The following DACH2 variants were observed in gnomAD, a reference collection of about 807,000 sequenced individuals.
DACH2 encodes the protein dachshund homolog 2.
In DACH2, 17 loss-of-function variants were observed where a neutral mutation model predicts 35.8. The ratio of observed to expected loss-of-function variants is 0.48; its 90% CI spans 0.33 to 0.71. The LOEUF (loss-of-function observed/expected upper bound fraction) is 0.71, where lower values mean the gene tolerates loss of function less well. DACH2 is among the 30% of genes least tolerant of loss of function. The probability of loss-of-function intolerance (pLI) is 0.02; values close to 1 mark genes in which losing one functional copy is unlikely to be tolerated. For synonymous variants in DACH2, 195 were observed against 177.3 expected (o/e 1.10, Z -0.79); for missense variants, 469 against 472.7 (o/e 0.99, Z 0.07).
chrX:86,523,379 G>A (rs2038585901), intron 3 of DACH2, among the ~76,000 whole-genome samples: 1 of 111,030 alleles, frequency 9.0e-6, no homozygotes, highest in Non-Finnish European at 1.9e-5. Flanking sequence ...GCTAAGAAGT[G>A]GTCATAAAGA....
chrX:86,442,542 T>A (rs775434271), intron 2 of DACH2, among the ~76,000 whole-genome samples: 3 of 110,233 alleles, frequency 2.7e-5, no homozygotes, highest in Non-Finnish European at 3.8e-5. Flanking sequence ...GTGCAGAAAC[T>A]TTTAAGTTTG....
chrX:86,246,653 G>A (rs1248720387), intron 1 of DACH2, among the ~76,000 whole-genome samples: 3 of 112,184 alleles, frequency 2.7e-5, no homozygotes, highest in African/African-American at 9.7e-5. Context: ...TGTCTTACCA[G>A]AGGTCCTTAA....
intron 2 of DACH2, among the ~76,000 whole-genome samples, chrX:86,506,362 G>C (rs1446714232): frequency 9.0e-6 from 1 of 111,354 alleles, no homozygotes; most frequent in Non-Finnish European, 1.9e-5. Flanking sequence ...ACTGGTAGTG[G>C]TATGTTCTTT....
chrX:86,282,034 A>ATG (rs2034039824), intron 1 of DACH2, among the ~76,000 whole-genome samples: 1 of 112,403 alleles, frequency 8.9e-6, no homozygotes, highest in Non-Finnish European at 1.9e-5. Context: ...TTCTATGCTC[A>ATG]GGTATAGGAA....
At chrX:86,332,041 A>G (rs5968895) in intron 1 of DACH2, among the ~76,000 whole-genome samples, 21,788 of 111,152 alleles carry the variant, frequency 0.2, 2,543 homozygotes, top group African/African-American at 0.43. Context: ...TAAGCTAAGC[A>G]AAAGCTCAGA....
rs556270797 is a variant in DACH2 at position 86,225,582 on chromosome X, TA to T, written c.488+76483del. ...CTTTTGCTTCACAAGGTTTCTCCTTTAAAAAAAAAGTCTATAGCTAAAAAGT... is the reference window on the plus strand; with the variant it reads ...CTTTTGCTTCACAAGGTTTCTCCTTTAAAAAAAAGTCTATAGCTAAAAAGT... On this transcript the variant is annotated intron_variant, in intron 1 of 11. Coordinates refer to ENST00000373125, the MANE Select transcript of DACH2 (RefSeq NM_053281.3). 8.2e-5 allele frequency among the ~76,000 whole-genome samples: 9 copies of T among 109,321 alleles called. No individual in the cohort carries two copies. The South Asian group carries it at 1.5e-3, about 19-fold the overall frequency. 94.9% of individuals were successfully genotyped at this position (109,321 alleles called of 115,157 possible). A position where few individuals can be genotyped will look rare whatever the true frequency, so the allele number is the denominator to read the frequency against.
At chrX:86,259,517 G>A (rs1036533011) in intron 1 of DACH2, among the ~76,000 whole-genome samples, 1 of 111,483 alleles carries the variant, frequency 9.0e-6, no homozygotes, top group Non-Finnish European at 1.9e-5. Flanking sequence ...ACAGGGTGTT[G>A]AGGGGAAAAT....
chrX:86,489,949 T>C, intron 2 of DACH2, among the ~76,000 whole-genome samples: 1 of 111,854 alleles, frequency 8.9e-6, no homozygotes, highest in Non-Finnish European at 1.9e-5. Flanking sequence ...TACTAGAAAA[T>C]AGCGTCTTTG....
At chrX:86,765,933 G>T (rs1429583002) in intron 7 of DACH2, among the ~76,000 whole-genome samples, 1 of 109,462 alleles carries the variant, frequency 9.1e-6, no homozygotes, top group Non-Finnish European at 1.9e-5. Flanking sequence ...ATTTCTTTCA[G>T]CAGTGTTTCA....
At chrX:86,416,620 G>A (rs1399313808) in intron 2 of DACH2, among the ~76,000 whole-genome samples, 4 of 111,517 alleles carry the variant, frequency 3.6e-5, no homozygotes, top group Non-Finnish European at 5.6e-5. Flanking sequence ...GAATACTTGA[G>A]AAAAGGGATT....
intron 5 of DACH2, among the ~76,000 whole-genome samples, chrX:86,711,113 C>T (rs956219517): frequency 8.0e-5 from 9 of 112,214 alleles, no homozygotes; most frequent in African/African-American, 2.3e-4. Context: ...CTGTGGCTCA[C>T]GCCTGTAATC....
At chrX:86,278,759 C>A (rs1459009683) in intron 1 of DACH2, among the ~76,000 whole-genome samples, 1 of 111,695 alleles carries the variant, frequency 9.0e-6, no homozygotes, top group African/African-American at 3.3e-5. Flanking sequence ...GTGGATCCCA[C>A]CCCCATGGAG....
intron 2 of DACH2, among the ~76,000 whole-genome samples, chrX:86,492,337 A>C (rs971386532): frequency 8.9e-6 from 1 of 111,924 alleles, no homozygotes; most frequent in Admixed American, 9.6e-5. Flanking sequence ...GATGAATTCA[A>C]ACTTTTTCCA....
chrX:86,632,569 A>C (rs2040214919), intron 3 of DACH2, among the ~76,000 whole-genome samples: 2 of 110,468 alleles, frequency 1.8e-5, no homozygotes, highest in African/African-American at 6.6e-5. Context: ...TAAGTTAAGA[A>C]GAGGATGTAG....
intron 3 of DACH2, among the ~76,000 whole-genome samples, chrX:86,532,218 G>A (rs1416796083): frequency 8.9e-6 from 1 of 112,019 alleles, no homozygotes; most frequent in Non-Finnish European, 1.9e-5. Flanking sequence ...AGTTAATGCT[G>A]GAATGAGTTA....
chrX:86,475,875 T>G (rs2037835389), intron 2 of DACH2, among the ~76,000 whole-genome samples: 1 of 111,994 alleles, frequency 8.9e-6, no homozygotes, highest in Non-Finnish European at 1.9e-5. Context: ...TTTGAGGGTT[T>G]TTATCATAAA....
At chrX:86,532,308 T>G (rs62594991) in intron 3 of DACH2, among the ~76,000 whole-genome samples, 5,551 of 111,223 alleles carry the variant, frequency 0.05, 120 homozygotes, top group Middle Eastern at 0.1. Flanking sequence ...GCCAGGGGTA[T>G]AATGATGTAG....
chrX:86,527,671 C>T (rs919878696), intron 3 of DACH2, among the ~76,000 whole-genome samples: 12 of 111,797 alleles, frequency 1.1e-4, no homozygotes, highest in African/African-American at 3.6e-4. Context: ...TTTATGTATA[C>T]ATTTTGTGTG....
chrX:86,552,787 A>G (rs1178862303), intron 3 of DACH2, among the ~76,000 whole-genome samples: 1 of 111,080 alleles, frequency 9.0e-6, no homozygotes, highest in East Asian at 2.9e-4. Context: ...CCTGGCTTCT[A>G]TGTTAAGTAT....
Sources: gnomAD v4.1 joint callset for allele counts (sites outside exome capture counted in the v4.1 genomes callset) on GRCh38, gnomAD v4.1.1 for gene constraint, MANE v1.5 for transcripts, NCBI Gene and HGNC (gene_info 2026-07-23, HGNC 2026-07-21) for gene names.